The following SUPT6H variants were observed in gnomAD, a reference collection of about 807,000 sequenced individuals.
SUPT6H encodes SPT6 homolog, histone chaperone and transcription elongation factor.
A neutral mutation model predicts 222.3 loss-of-function variants in SUPT6H; 11 were observed. The observed-to-expected ratio is 0.05, with a 90% CI of 0.03 to 0.08. The LOEUF (loss-of-function observed/expected upper bound fraction) is 0.08. Among genes scored for constraint, SUPT6H ranks in the 10% least tolerant of loss-of-function variants. The pLI, the probability that SUPT6H is intolerant of heterozygous loss-of-function variation, is 1.00. For missense variants in SUPT6H, 1,422 were observed against 2,216.0 expected, an observed-to-expected ratio of 0.64 and a Z score of 7.19; for synonymous variants, 762 against 801.2, an observed-to-expected ratio of 0.95 and a Z score of 0.83.
Position 28,684,903 on chromosome 17 carries a change from G to A in SUPT6H, c.2429G>A (p.Arg810Gln). ...NGEGEVTDFL[R>Q]LPHFTKRRTA... ...GAAGGAGAAGTGACAGACTTCCTTC[G>A]ACTGCCCCATTTTACCAAACGGCGA... Residue 810 changes from arginine (R) to glutamine (Q), a missense_variant, in exon 19 of 37, where the codon CGA becomes CAA. Physicochemically the swap from Arg to Gln is conservative, Grantham distance 43. This residue lies in a region of SUPT6H where 294 missense variants were observed against 382.1 expected (regional missense o/e 0.77). Coordinates refer to ENST00000314616, the MANE Select transcript of SUPT6H (RefSeq NM_003170.5). 1.2e-6 allele frequency: 2 copies of A among 1,614,134 alleles called. No homozygotes were observed. Among genetic ancestry groups the A allele is most frequent in the Non-Finnish European group, 1.7e-6 (2 of 1,180,046 alleles).
chr17:28,680,997 A>T, intron 11 of SUPT6H: 1 of 409,042 alleles, frequency 2.4e-6, no homozygotes. Context: ...GTTGCCTAGG[A>T]TGGAGAGCAG....
Position 28,687,153 on chromosome 17 carries a change from C to T in SUPT6H, c.2766C>T (p.Asp922=), listed in dbSNP as rs1376462804. The T allele has an allele frequency of 6.2e-7, 1 of 1,614,122 alleles. No individual in the cohort carries two copies. Among genetic ancestry groups the T allele is most frequent in the Admixed American group, 1.7e-5 (1 of 60,020 alleles). ...TCTCCCTGGCCCGGCGCATCCAGGA[C>T]CCTCTGATTGAATTTGCCCAGGTGT... ...QAVSLARRIQ[D]PLIEFAQVCS... Residue 922 remains aspartate, a synonymous_variant, in exon 22 of 37, where the codon GAC becomes GAT. Transcript: ENST00000314616.
chr17:28,677,582 C>A, intron 7 of SUPT6H, 133 bp from the exon 8 acceptor site: 1 of 694,874 alleles, frequency 1.4e-6, no homozygotes, highest in South Asian at 1.8e-5. Flanking sequence ...CAGAACAACA[C>A]TGGTATGGCA....
At chr17:28,677,405 C>T (rs917573637) in intron 7 of SUPT6H, among the ~76,000 whole-genome samples, 3 of 150,964 alleles carry the variant, frequency 2.0e-5, no homozygotes, top group Non-Finnish European at 3.0e-5. Context: ...ATCAGCTGGG[C>T]GTGGTGGCGG....
intron 32 of SUPT6H, among the ~76,000 whole-genome samples, chr17:28,699,035 C>G (rs1325606796): frequency 6.6e-6 from 1 of 152,222 alleles, no homozygotes; most frequent in Non-Finnish European, 1.5e-5. Context: ...AGAATTAACA[C>G]TTACGGAAGA....
chr17:28,695,999 CA>C lies in SUPT6H; in HGVS notation c.3970+460del, dbSNP rs539080700. ...GCAACTTAGTAAGACACCATCTCTA[CA>C]AAAAAAATTTTTTAAATAGCCAGGA... On this transcript the variant is annotated intron_variant, in intron 29 of 36. Transcript: ENST00000314616. 2.0e-5 allele frequency among the ~76,000 whole-genome samples: 3 copies of C among 151,938 alleles called. No homozygotes were observed. The South Asian group carries it at 6.2e-4, about 32-fold the overall frequency.
At chr17:28,677,561 T>C (rs1170479212) in intron 7 of SUPT6H, among the ~76,000 whole-genome samples, 154 bp from the exon 8 acceptor site, 1 of 152,112 alleles carries the variant, frequency 6.6e-6, no homozygotes, top group Non-Finnish European at 1.5e-5. Flanking sequence ...AAAAAAATGC[T>C]TATTTCATGC....
At chr17:28,692,893 C>T (rs1464767888) in intron 27 of SUPT6H, among the ~76,000 whole-genome samples, 1 of 146,046 alleles carries the variant, frequency 6.8e-6, no homozygotes, top group Non-Finnish European at 1.5e-5. Context: ...CCCAGCTACT[C>T]GGGAGGCAGA....
chr17:28,690,280 G>A, intron 26 of SUPT6H, 51 bp downstream of exon 26: 1 of 1,595,844 alleles, frequency 6.3e-7, no homozygotes, highest in Non-Finnish European at 8.6e-7. Context: ...TGTTTACTGT[G>A]TACATTCAAA....
chr17:28,687,767 C>T (rs113447623), intron 23 of SUPT6H, among the ~76,000 whole-genome samples: 5 of 152,182 alleles, frequency 3.3e-5, no homozygotes, highest in South Asian at 2.1e-4. Flanking sequence ...ATCCACCCGC[C>T]TCAGCCTCCC....
Position 28,667,423 on chromosome 17 carries a change from A to ATG in SUPT6H, c.-32+5082_-32+5083insGT, listed in dbSNP as rs1347692040. Among the ~76,000 whole-genome samples the ATG allele has an allele frequency of 2.2e-5, 3 of 134,546 alleles. No homozygotes were observed. In the Admixed American group the frequency reaches 2.3e-4, roughly 10 times the overall value. The allele number at this position is 134,546 out of a possible 152,430, so 88.3% of individuals were successfully genotyped here. Reference sequence around the variant, plus strand: ...TGTGTGTGTATATATATATATATATATATATATATATATGTATGTGTGTGT... The same window carrying ATG: ...TGTGTGTGTATATATATATATATATATGTATATATATATATGTATGTGTGTGT... On this transcript the variant is annotated intron_variant, in intron 1 of 36. Coordinates refer to ENST00000314616, the MANE Select transcript of SUPT6H (RefSeq NM_003170.5).
chr17:28,694,053 G>A (rs568164530), intron 28 of SUPT6H, among the ~76,000 whole-genome samples: 1 of 152,358 alleles, frequency 6.6e-6, no homozygotes, highest in South Asian at 2.1e-4. Context: ...TGAAATTTCA[G>A]CAAGTTCCCA....
chr17:28,699,404 A>G (rs540525494), intron 32 of SUPT6H, among the ~76,000 whole-genome samples: 11 of 152,346 alleles, frequency 7.2e-5, no homozygotes, highest in African/African-American at 2.4e-4. Flanking sequence ...CAGCCACTGC[A>G]GAAAGATGCC....
At chr17:28,672,113 G>A (rs2030453977) in intron 1 of SUPT6H, among the ~76,000 whole-genome samples, 1 of 152,328 alleles carries the variant, frequency 6.6e-6, no homozygotes. Flanking sequence ...TGAAGTATTT[G>A]TGTGTTTAAT....
chr17:28,677,757 G>C lies in SUPT6H; in HGVS notation c.940G>C (p.Glu314Gln). ...CAAGGGGGCTGAAGATGATGAACTA[G>C]AAGAAGAAGCTGACTGGATCTACAG... ...PVKGAEDDELEEEADWIYRNA... is the reference protein window; with the variant it reads ...PVKGAEDDELQEEADWIYRNA... The change falls in exon 8 of 37, where the codon GAA becomes CAA. Residue 314 changes from glutamate (E) to glutamine (Q), a missense_variant. This residue lies in a region of SUPT6H where 389 missense variants were observed against 544.6 expected (regional missense o/e 0.71). Transcript: ENST00000314616. 6.2e-7 allele frequency: 1 copy of C among 1,614,216 alleles called. No homozygotes were observed. Among genetic ancestry groups the C allele is most frequent in the Non-Finnish European group, 8.5e-7 (1 of 1,180,036 alleles).
At chr17:28,670,212 A>G (rs548086556) in intron 1 of SUPT6H, 3 of 152,332 alleles carry the variant, frequency 2.0e-5, no homozygotes, top group Admixed American at 1.3e-4. Context: ...TAGTTTTGTC[A>G]CCTTGAACAA....
In SUPT6H at chr17:28,675,024, G is replaced by A; in HGVS notation, c.400G>A (p.Glu134Lys). 6.2e-7 allele frequency: 1 copy of A among 1,614,176 alleles called. No individual in the cohort carries two copies. The highest frequency in any genetic ancestry group is 8.5e-7 in the Non-Finnish European group (1 of 1,180,040). Residue 134 changes from glutamate (E) to lysine (K), a missense_variant, in exon 5 of 37, where the codon GAA (glutamate) becomes AAA (lysine). This residue lies in a region of SUPT6H where 389 missense variants were observed against 544.6 expected (regional missense o/e 0.71). Coordinates refer to ENST00000314616, the MANE Select transcript of SUPT6H (RefSeq NM_003170.5). ...AGATGACGAGGACGATGACGAGGAG[G>A]AATATGGCAAGGAGGAACATGAAAA... ...MSDDEDDDEE[E>K]YGKEEHEKEA...
intron 23 of SUPT6H, 122 bp downstream of exon 23, chr17:28,687,593 T>C: frequency 8.8e-7 from 1 of 1,138,520 alleles, no homozygotes; most frequent in South Asian, 1.6e-5. Context: ...CCAAAATCAC[T>C]CAGCTAGTGA....
At position 28,667,518 on chromosome 17, in the gene SUPT6H, CGT is replaced by C. The variant is rs146070299; in HGVS notation, c.-32+5191_-32+5192del. On this transcript the variant is annotated intron_variant, in intron 1 of 36. Coordinates refer to ENST00000314616, the MANE Select transcript of SUPT6H (RefSeq NM_003170.5). The stretch of plus-strand genomic sequence containing the variant: ...GTATATGTGTATATATATATAAATA[CGT>C]GTGTGTGTGTGTGTTTTATATATAT... Among the ~76,000 whole-genome samples the C allele has an allele frequency of 7.0e-3, 823 of 117,834 alleles. 3 individuals are homozygous for C. The highest frequency in any genetic ancestry group is 0.023 in the African/African-American group (732 of 32,138). The allele number at this position is 117,834 out of a possible 152,430, so 77.3% of individuals were successfully genotyped here.
Sources: allele counts gnomAD v4.1 joint callset (sites outside exome capture counted in the v4.1 genomes callset), GRCh38; gene constraint gnomAD v4.1.1; regional missense constraint gnomAD v4.1.1; transcripts MANE v1.5; gene names NCBI Gene and HGNC (gene_info 2026-07-23, HGNC 2026-07-21).